The following RERE variants were observed in gnomAD, a reference collection of about 807,000 sequenced individuals.
RERE encodes the protein arginine-glutamic acid dipeptide repeats.
Under a neutral mutation model 146.1 loss-of-function variants are expected in RERE, and 40 were observed. That is an observed-to-expected ratio of 0.27 (90% confidence interval 0.21 to 0.36). The LOEUF is 0.36. Among genes scored for constraint, RERE ranks in the 10% least tolerant of loss-of-function variants. The pLI, the probability that RERE is intolerant of heterozygous loss-of-function variation, is 1.00. For synonymous variants in RERE, 1,003 were observed against 866.0 expected (o/e 1.16, Z -2.78); for missense variants, 1,933 against 2,138.7 (o/e 0.90, Z 1.90).
At chr1:8,379,602 G>C (rs1054387461) in intron 12 of RERE, among the ~76,000 whole-genome samples, 8 of 152,194 alleles carry the variant, frequency 5.3e-5, no homozygotes, top group Non-Finnish European at 1.2e-4. Context: ...TCTCCTCAAA[G>C]GTTCTTTACA....
chr1:8,769,600 C>T (rs1640907426), intron 1 of RERE, among the ~76,000 whole-genome samples: 1 of 152,104 alleles, frequency 6.6e-6, no homozygotes, highest in African/African-American at 2.4e-5. Flanking sequence ...CCATGTCAGC[C>T]TCCCAAGTAC....
Position 8,358,913 on chromosome 1 carries a change from C to G in RERE, c.3622G>C (p.Ala1208Pro), listed in dbSNP as rs767356937. Residue 1208 changes from alanine (A) to proline (P), a missense_variant, in exon 20 of 23, where the codon GCG (alanine) becomes CCG (proline). Physicochemically the swap from Ala to Pro is conservative, Grantham distance 27. Coordinates refer to ENST00000400908, the MANE Select transcript of RERE (RefSeq NM_001042681.2). ...CGACCTTCATGCGCTGAGCTGGACG[C>G]CTTCTGCAGAAGGAAAAGAAAGCGT... The part of the protein sequence containing the change: ...REREAERAAK[A>P]SSSAHEGRLS... 6.6e-7 allele frequency: 1 copy of G among 1,519,580 alleles called. No individual in the cohort carries two copies. The highest frequency in any genetic ancestry group is 1.4e-5 in the African/African-American group (1 of 72,044). 94.1% of individuals were successfully genotyped at this position (1,519,580 alleles called of 1,614,324 possible).
intron 3 of RERE, among the ~76,000 whole-genome samples, chr1:8,619,790 TAAAC>T (rs905427628): frequency 3.3e-5 from 5 of 152,202 alleles, no homozygotes; most frequent in African/African-American, 1.2e-4. Flanking sequence ...TTGTTTTTCG[TAAAC>T]AAACAAATCA....
intron 1 of RERE, among the ~76,000 whole-genome samples, chr1:8,683,638 A>G (rs1460443151): frequency 6.6e-6 from 1 of 152,200 alleles, no homozygotes; most frequent in Non-Finnish European, 1.5e-5. Context: ...CATTTATATG[A>G]CTTTATTTTT....
chr1:8,486,981 T>G (rs892670531), intron 10 of RERE, among the ~76,000 whole-genome samples: 1 of 152,106 alleles, frequency 6.6e-6, no homozygotes, highest in African/African-American at 2.4e-5. Context: ...CCAAACTCCT[T>G]ATTACAAAGA....
chr1:8,497,551 G>C (rs772891426), intron 8 of RERE, 22 bp from the exon 9 acceptor site: 26 of 1,613,468 alleles, frequency 1.6e-5, no homozygotes, highest in Non-Finnish European at 2.2e-5. Flanking sequence ...GGATGAGTAA[G>C]TCACAATCAA....
intron 1 of RERE, chr1:8,786,143 C>A: frequency 2.0e-6 from 1 of 505,422 alleles, no homozygotes; most frequent in Non-Finnish European, 3.6e-6. Context: ...AACTTGAGAG[C>A]AGCTACTGTT....
chr1:8,569,991 A>G (rs1364766800), intron 4 of RERE, among the ~76,000 whole-genome samples: 1 of 152,228 alleles, frequency 6.6e-6, no homozygotes, highest in Non-Finnish European at 1.5e-5. Flanking sequence ...AAAAATTATT[A>G]AAGAGTCAAA....
At chr1:8,594,665 T>C (rs889911401) in intron 4 of RERE, among the ~76,000 whole-genome samples, 1 of 152,186 alleles carries the variant, frequency 6.6e-6, no homozygotes, top group Non-Finnish European at 1.5e-5. Context: ...AATATATTAA[T>C]AAATAATAAT....
chr1:8,468,894 C>A (rs186531222), intron 10 of RERE, among the ~76,000 whole-genome samples: 3 of 148,624 alleles, frequency 2.0e-5, no homozygotes, highest in Non-Finnish European at 4.4e-5. Context: ...GAAACCCTGC[C>A]TCCAATAAAA....
At position 8,361,498 on chromosome 1, in the gene RERE, C is replaced by T; in HGVS notation, c.2017-8G>A. 2 of 1,608,658 alleles carry T rather than the reference C, an allele frequency of 1.2e-6. No homozygotes were observed. Among genetic ancestry groups the T allele is most frequent in the Non-Finnish European group, 1.7e-6 (2 of 1,179,936 alleles). ...GTTGGGCCTGCTGATCTCCTGGAGTCAGAGAAGGGAAGGATGGAAGTCCCA... is the reference window on the plus strand; with the variant it reads ...GTTGGGCCTGCTGATCTCCTGGAGTTAGAGAAGGGAAGGATGGAAGTCCCA... On this transcript the variant is annotated splice_polypyrimidine_tract_variant and splice_region_variant and intron_variant, in intron 17 of 22. Coordinates refer to ENST00000400908, the MANE Select transcript of RERE (RefSeq NM_001042681.2).
chr1:8,581,424 T>G (rs1477887134), intron 4 of RERE, among the ~76,000 whole-genome samples: 3 of 152,254 alleles, frequency 2.0e-5, no homozygotes, highest in Admixed American at 2.0e-4. Context: ...TTTCTTACAG[T>G]CTGAAGCTGC....
chr1:8,687,010 G>A (rs1454983623), intron 1 of RERE, among the ~76,000 whole-genome samples: 1 of 152,204 alleles, frequency 6.6e-6, no homozygotes, highest in Non-Finnish European at 1.5e-5. Flanking sequence ...AGGAGAACTG[G>A]AGATCTGGGT....
intron 12 of RERE, among the ~76,000 whole-genome samples, chr1:8,377,942 G>A (rs1169308733): frequency 6.6e-6 from 1 of 152,072 alleles, no homozygotes; most frequent in Non-Finnish European, 1.5e-5. Flanking sequence ...TTTTTGTATT[G>A]GAAGCATGTA....
At chr1:8,363,141 CTGA>C (rs1641657245) in intron 15 of RERE, among the ~76,000 whole-genome samples, 1 of 152,262 alleles carries the variant, frequency 6.6e-6, no homozygotes, top group Non-Finnish European at 1.5e-5. Flanking sequence ...ACCACACTTT[CTGA>C]GCGGCAGAAA....
intron 3 of RERE, among the ~76,000 whole-genome samples, chr1:8,622,779 ATT>A (rs70982801): frequency 0.018 from 2,695 of 150,194 alleles, 73 homozygotes; most frequent in African/African-American, 0.059. Context: ...ATAAAATGTG[ATT>A]TTTTTTTTTT....
At chr1:8,696,823 T>G (rs963872877) in intron 1 of RERE, among the ~76,000 whole-genome samples, 2 of 152,020 alleles carry the variant, frequency 1.3e-5, no homozygotes, top group Non-Finnish European at 2.9e-5. Context: ...GGCAGGAGTA[T>G]AGCTTGAACC....
At chr1:8,554,678 C>CA (rs386366172) in intron 6 of RERE, among the ~76,000 whole-genome samples, 28,790 of 100,554 alleles carry the variant, frequency 0.29, 5,939 homozygotes, top group Non-Finnish European at 0.32. Flanking sequence ...GATCCTGTCT[C>CA]AAAAAAAAAA....
At chr1:8,677,300 G>T (rs539375104) in intron 1 of RERE, among the ~76,000 whole-genome samples, 1 of 151,670 alleles carries the variant, frequency 6.6e-6, no homozygotes, top group African/African-American at 2.4e-5. Flanking sequence ...GTGGTGGCAC[G>T]TGCCTGTAAT....
Sources: allele counts gnomAD v4.1 joint callset (sites outside exome capture counted in the v4.1 genomes callset), GRCh38; gene constraint gnomAD v4.1.1; transcripts MANE v1.5; gene names NCBI Gene and HGNC (gene_info 2026-07-23, HGNC 2026-07-21).